ARB2A: variants seen among roughly 807,000 people sequenced by gnomAD.
ARB2A encodes the protein ARB2 cotranscriptional regulator A, also known as cotranscriptional regulator ARB2A.
chr5:94,041,476 T>TTG, the ARB2A span, among the ~76,000 whole-genome samples: 1 of 152,072 alleles, frequency 6.6e-6, no homozygotes, highest in Non-Finnish European at 1.5e-5. Flanking sequence ...TTTATATGTG[T>TTG]TGTGTGTGTG....
chr5:93,661,828 G>T, the ARB2A span, among the ~76,000 whole-genome samples: 2 of 152,084 alleles, frequency 1.3e-5, no homozygotes, highest in South Asian at 4.2e-4. Context: ...CCAAGAGACC[G>T]GTGGATGATT....
the ARB2A span, among the ~76,000 whole-genome samples, chr5:93,937,304 AAGAG>A: frequency 1.3e-5 from 2 of 151,078 alleles, no homozygotes; most frequent in Non-Finnish European, 3.0e-5. Context: ...GTTAGAGAGA[AAGAG>A]AGAGAGAGTG....
At chr5:93,713,873 T>C in the ARB2A span, among the ~76,000 whole-genome samples, 3 of 152,264 alleles carry the variant, frequency 2.0e-5, no homozygotes, top group South Asian at 6.2e-4. Context: ...TCATGAAATA[T>C]AGGGAACTAC....
At chr5:93,791,650 C>T in the ARB2A span, among the ~76,000 whole-genome samples, 1 of 152,152 alleles carries the variant, frequency 6.6e-6, no homozygotes, top group African/African-American at 2.4e-5. Context: ...GAAGCCCTAG[C>T]TTCAATTCTT....
the ARB2A span, among the ~76,000 whole-genome samples, chr5:94,061,983 T>C: frequency 6.6e-6 from 1 of 151,698 alleles, no homozygotes; most frequent in Non-Finnish European, 1.5e-5. Flanking sequence ...AGCTAAACAA[T>C]TTTCTAAAAG....
At chr5:93,707,995 AGTTTCAGTAGTGCTATG>A in the ARB2A span, among the ~76,000 whole-genome samples, 4 of 152,190 alleles carry the variant, frequency 2.6e-5, no homozygotes, top group Non-Finnish European at 4.4e-5. Context: ...AACGTGTAAG[AGTTTCAGTAGTGCTATG>A]AATGCCCATA....
At chr5:93,790,187 C>T in the ARB2A span, among the ~76,000 whole-genome samples, 1 of 152,106 alleles carries the variant, frequency 6.6e-6, no homozygotes, top group South Asian at 2.1e-4. Flanking sequence ...ATGACAAATC[C>T]CCGTAAGTCA....
chr5:93,799,600 G>A, the ARB2A span, among the ~76,000 whole-genome samples: 1 of 152,072 alleles, frequency 6.6e-6, no homozygotes, highest in African/African-American at 2.4e-5. Flanking sequence ...ATAGCCAAAA[G>A]CAACATCCTG....
the ARB2A span, among the ~76,000 whole-genome samples, chr5:93,632,578 T>C: frequency 6.6e-6 from 1 of 152,148 alleles, no homozygotes; most frequent in East Asian, 1.9e-4. Flanking sequence ...AGGGGAGAAA[T>C]ATAAACGGAC....
chr5:93,920,904 T>C, the ARB2A span, among the ~76,000 whole-genome samples: 1 of 152,118 alleles, frequency 6.6e-6, no homozygotes, highest in Non-Finnish European at 1.5e-5. Context: ...GTAAATTGCA[T>C]ATCCCAGTAA....
At chr5:94,062,114 CA>C in the ARB2A span, among the ~76,000 whole-genome samples, 1 of 152,042 alleles carries the variant, frequency 6.6e-6, no homozygotes. Context: ...AACAACTGTC[CA>C]AATATGCCCA....
the ARB2A span, among the ~76,000 whole-genome samples, chr5:93,867,520 C>T: frequency 1.3e-5 from 2 of 152,058 alleles, no homozygotes; most frequent in East Asian, 1.9e-4. Context: ...CAGGTTCAAG[C>T]GATTCTCCTG....
chr5:94,086,108 G>A, the ARB2A span, among the ~76,000 whole-genome samples: 2 of 152,122 alleles, frequency 1.3e-5, no homozygotes, highest in Non-Finnish European at 2.9e-5. Context: ...TAAATTTATA[G>A]GTGTTAATTA....
chr5:93,771,889 T>C, the ARB2A span, among the ~76,000 whole-genome samples: 5 of 152,230 alleles, frequency 3.3e-5, no homozygotes, highest in South Asian at 2.1e-4. Context: ...TTTGTGGAAG[T>C]CAGTGTGGTG....
At chr5:94,086,053 G>A in the ARB2A span, among the ~76,000 whole-genome samples, 2 of 152,148 alleles carry the variant, frequency 1.3e-5, no homozygotes, top group African/African-American at 4.8e-5. Flanking sequence ...AAGCACATAA[G>A]TCAATGCAAG....
At chr5:93,954,980 C>T in the ARB2A span, among the ~76,000 whole-genome samples, 1 of 152,052 alleles carries the variant, frequency 6.6e-6, no homozygotes, top group Non-Finnish European at 1.5e-5. Context: ...TGCTCTCCCT[C>T]CCCCAAATGC....
chr5:93,921,010 G>A, the ARB2A span, among the ~76,000 whole-genome samples: 1 of 152,040 alleles, frequency 6.6e-6, no homozygotes, highest in Non-Finnish European at 1.5e-5. Flanking sequence ...AGTGCCACTA[G>A]TGATGCTGGA....
At chr5:94,031,623 T>C in the ARB2A span, among the ~76,000 whole-genome samples, 4 of 152,128 alleles carry the variant, frequency 2.6e-5, no homozygotes, top group African/African-American at 7.2e-5. Flanking sequence ...AAACCAAGGG[T>C]GTAGCTCACA....
the ARB2A span, among the ~76,000 whole-genome samples, chr5:93,878,478 A>G: frequency 5.7e-4 from 87 of 152,094 alleles, no homozygotes; most frequent in South Asian, 2.1e-4. Flanking sequence ...TGCAATGGAA[A>G]GTGGCAGAGG....
Sources: allele counts gnomAD v4.1 joint callset (sites outside exome capture counted in the v4.1 genomes callset), GRCh38; gene constraint gnomAD v4.1.1; transcripts MANE v1.5; gene names NCBI Gene and HGNC (gene_info 2026-07-23, HGNC 2026-07-21).